Variants in DNAAF11 observed in about 807,000 individuals in gnomAD.
DNAAF11 encodes leucine rich repeat containing 6.
In DNAAF11, 45 loss-of-function variants were observed where a neutral mutation model predicts 60.8. The observed-to-expected ratio is 0.74, with a 90% CI of 0.58 to 0.95. The LOEUF is 0.95. Ranked by LOEUF, DNAAF11 falls within the 40% of genes least tolerant of loss-of-function variation. The pLI, the probability that DNAAF11 is intolerant of heterozygous loss-of-function variation, is 0.00. For synonymous variants in DNAAF11, 191 were observed against 183.5 expected (o/e 1.04, Z -0.33); for missense variants, 546 against 546.2 (o/e 1.00, Z 0.00).
the DNAAF11 span, among the ~76,000 whole-genome samples, chr8:132,697,974 A>T: frequency 2.0e-5 from 3 of 152,366 alleles, no homozygotes; most frequent in East Asian, 5.8e-4. Context: ...GTATGTATTT[A>T]TAACTTGTCT....
rs112964908 is a variant in DNAAF11 at position 132,642,580 on chromosome 8, T to G, written c.257-4473A>C. Among the ~76,000 whole-genome samples, 521 of 152,304 alleles carry G rather than the reference T, an allele frequency of 3.4e-3. 3 individuals carry two copies. Among genetic ancestry groups the G allele is most frequent in the African/African-American group, 0.012 (490 of 41,562 alleles). On this transcript the variant is annotated intron_variant, in intron 3 of 11. Coordinates refer to ENST00000620350, the MANE Select transcript of DNAAF11 (RefSeq NM_012472.6). ...AAGCCAGATCAAGTGTCTGGCTACC[T>G]TGACTCCACCACGCTCAGAGACCCT...
At chr8:132,639,201 G>A (rs1485838466) in intron 3 of DNAAF11, among the ~76,000 whole-genome samples, 1 of 152,184 alleles carries the variant, frequency 6.6e-6, no homozygotes, top group Non-Finnish European at 1.5e-5. Context: ...CAGAAACCTT[G>A]CAGTTTCTTT....
intron 10 of DNAAF11, among the ~76,000 whole-genome samples, chr8:132,594,201 T>C (rs926500309): frequency 6.6e-6 from 1 of 152,184 alleles, no homozygotes; most frequent in Non-Finnish European, 1.5e-5. Context: ...TGTTGTAATA[T>C]TTATTTACCA....
chr8:132,687,687 G>A, the DNAAF11 span: 4 of 456,240 alleles, frequency 8.8e-6, no homozygotes, highest in Admixed American at 4.7e-5. Flanking sequence ...GGAAGTTTAA[G>A]GGATAAGTGA....
chr8:132,588,456 T>C (rs1816129615), intron 10 of DNAAF11, among the ~76,000 whole-genome samples: 1 of 152,174 alleles, frequency 6.6e-6, no homozygotes, highest in Admixed American at 6.5e-5. Context: ...CTCCAAGAAA[T>C]ATTTACTGAG....
intron 3 of DNAAF11, among the ~76,000 whole-genome samples, chr8:132,650,946 T>C (rs577652550): frequency 2.6e-5 from 4 of 152,250 alleles, no homozygotes; most frequent in Non-Finnish European, 4.4e-5. Flanking sequence ...TCTTAATGTC[T>C]ACTTGGCCTA....
chr8:132,592,993 A>G (rs775956640), intron 10 of DNAAF11, among the ~76,000 whole-genome samples: 15 of 152,034 alleles, frequency 9.9e-5, no homozygotes, highest in Non-Finnish European at 2.2e-4. Flanking sequence ...AAGCCAATTC[A>G]ATGGATAAGA....
At chr8:132,660,634 C>T (rs1824044508) in intron 2 of DNAAF11, among the ~76,000 whole-genome samples, 1 of 152,166 alleles carries the variant, frequency 6.6e-6, no homozygotes, top group Non-Finnish European at 1.5e-5. Flanking sequence ...TGAGAGAAGT[C>T]AAGTGTGGTG....
At chr8:132,650,359 G>A (rs527695798) in intron 3 of DNAAF11, among the ~76,000 whole-genome samples, 1 of 151,998 alleles carries the variant, frequency 6.6e-6, no homozygotes, top group Non-Finnish European at 1.5e-5. Context: ...CACACACTGG[G>A]GCCTGTCATG....
intron 1 of DNAAF11, 60 bp from the exon 2 acceptor site, chr8:132,661,687 GTGT>G: frequency 2.0e-6 from 3 of 1,533,496 alleles, no homozygotes; most frequent in Non-Finnish European, 2.7e-6. Flanking sequence ...TAAGATTATT[GTGT>G]TGTTAACGCA....
At chr8:132,639,393 A>G (rs1821634756) in intron 3 of DNAAF11, among the ~76,000 whole-genome samples, 1 of 152,060 alleles carries the variant, frequency 6.6e-6, no homozygotes, top group Non-Finnish European at 1.5e-5. Context: ...TTCTGCATTT[A>G]TGTCTTCAAA....
intron 7 of DNAAF11, among the ~76,000 whole-genome samples, chr8:132,618,115 C>T (rs950539405): frequency 6.6e-6 from 1 of 151,892 alleles, no homozygotes; most frequent in African/African-American, 2.4e-5. Flanking sequence ...ATCAATGGAA[C>T]AGAACAGAGC....
upstream of DNAAF11, among the ~76,000 whole-genome samples, chr8:132,677,774 A>T (rs181169681): frequency 6.6e-6 from 1 of 152,216 alleles, no homozygotes; most frequent in African/African-American, 2.4e-5. Flanking sequence ...TGGGTGCCTG[A>T]TGAGAGCCTG....
At chr8:132,647,432 C>T (rs919897795) in intron 3 of DNAAF11, among the ~76,000 whole-genome samples, 1 of 152,276 alleles carries the variant, frequency 6.6e-6, no homozygotes, top group African/African-American at 2.4e-5. Context: ...CTAAAATTGA[C>T]ACCCTAACGT....
intron 3 of DNAAF11, among the ~76,000 whole-genome samples, chr8:132,647,905 T>G (rs989757789): frequency 1.5e-4 from 23 of 152,208 alleles, no homozygotes; most frequent in Admixed American, 7.2e-4. Flanking sequence ...ACCAGATGGA[T>G]TCACAGCCGA....
intron 3 of DNAAF11, chr8:132,643,658 G>T (rs762546367): frequency 4.4e-6 from 2 of 456,054 alleles, no homozygotes; most frequent in Non-Finnish European, 8.8e-6. Flanking sequence ...AATCTGCATC[G>T]TCCACATCAG....
At chr8:132,688,397 C>T in the DNAAF11 span, among the ~76,000 whole-genome samples, 2 of 152,162 alleles carry the variant, frequency 1.3e-5, no homozygotes, top group African/African-American at 4.8e-5. Context: ...AAGGAGCTTT[C>T]CCTCTACTCT....
chr8:132,666,560 T>C (rs2130852596), intron 1 of DNAAF11, among the ~76,000 whole-genome samples: 1 of 152,202 alleles, frequency 6.6e-6, no homozygotes, highest in African/African-American at 2.4e-5. Flanking sequence ...CCATGAAGCA[T>C]CTAGGAGAAG....
chr8:132,625,526 A>C, intron 5 of DNAAF11, 72 bp from the exon 6 acceptor site: 6 of 1,121,902 alleles, frequency 5.3e-6, no homozygotes, highest in South Asian at 5.0e-5. Context: ...CTGGCCCTTT[A>C]ATATCTATAC....
Sources: gnomAD v4.1 joint callset for allele counts (sites outside exome capture counted in the v4.1 genomes callset) on GRCh38, gnomAD v4.1.1 for gene constraint, MANE v1.5 for transcripts, NCBI Gene and HGNC (gene_info 2026-07-23, HGNC 2026-07-21) for gene names.